PPIE: variants seen among roughly 807,000 people sequenced by gnomAD.
PPIE encodes the protein peptidylprolyl isomerase E, also known as peptidyl-prolyl cis-trans isomerase E.
PPIE carries 20 observed loss-of-function variants against 38.4 expected under a neutral mutation model. That is an observed-to-expected ratio of 0.52 (90% CI 0.37 to 0.76). The LOEUF is 0.76. PPIE is among the 30% of genes least tolerant of loss of function. The pLI, the probability that PPIE is intolerant of heterozygous loss-of-function variation, is 0.00. For synonymous variants in PPIE, 142 were observed against 135.7 expected (o/e 1.05, Z -0.32); for missense variants, 322 against 385.8 (o/e 0.83, Z 1.39).
Position 39,753,333 on chromosome 1 carries a change from C to G in PPIE, c.884C>G (p.Ala295Gly). Residue 295 changes from alanine (A) to glycine (G), a missense_variant, in exon 10 of 10, where the codon GCC becomes GGC. Physicochemically the swap from Ala to Gly is moderately conservative, Grantham distance 60. Coordinates refer to ENST00000324379, the MANE Select transcript of PPIE (RefSeq NM_006112.4). ...DGKPKQKVIIADCGEYV is the reference protein window; with the variant it reads ...DGKPKQKVIIGDCGEYV The stretch of plus-strand genomic sequence containing the variant: ...AAGCCAAAGCAGAAGGTGATCATCG[C>G]CGACTGTGGGGAGTACGTGTGAGGC... 1 of 1,614,174 alleles carries G rather than the reference C, an allele frequency of 6.2e-7. No homozygotes were observed. The highest frequency in any genetic ancestry group is 8.5e-7 in the Non-Finnish European group (1 of 1,180,002).
Position 39,753,338 on chromosome 1 carries a change from T to C in PPIE, c.889T>C (p.Cys297Arg). 1.2e-6 allele frequency: 2 copies of C among 1,614,180 alleles called. No homozygotes were observed. The highest frequency in any genetic ancestry group is 1.3e-5 in the African/African-American group (1 of 75,056). ...KPKQKVIIADCGEYV is the reference protein window; with the variant it reads ...KPKQKVIIADRGEYV ...AAAGCAGAAGGTGATCATCGCCGAC[T>C]GTGGGGAGTACGTGTGAGGCGGCAC... The change falls in exon 10 of 10, where the codon TGT becomes CGT. Residue 297 changes from cysteine (C) to arginine (R), a missense_variant. Transcript: ENST00000324379.
At chr1:39,763,160 C>G in intron 9 of PPIE, 1 of 1,614,042 alleles carries the variant, frequency 6.2e-7, no homozygotes, top group Non-Finnish European at 8.5e-7. Context: ...CACTCCCCCT[C>G]ACAGTAATAG....
In PPIE at chr1:39,739,156, G is replaced by C. The variant is rs145139813; in HGVS notation, c.31+225G>C. On this transcript the variant is annotated intron_variant, in intron 1 of 9. Coordinates refer to ENST00000324379, the MANE Select transcript of PPIE (RefSeq NM_006112.4). ...CTTCTTAGCAGTACGCACTTCTCCA[G>C]CTTCTTTGCTTTGCTTCCCGATTCG... 1.2e-3 allele frequency: 490 copies of C among 424,640 alleles called. 1 individual carries two copies. Among genetic ancestry groups the C allele is most frequent in the African/African-American group, 9.0e-3 (441 of 49,068 alleles). 26.3% of individuals were successfully genotyped at this position (424,640 alleles called of 1,614,324 possible).
intron 7 of PPIE, chr1:39,746,103 C>T (rs1647197038): frequency 6.6e-6 from 1 of 152,182 alleles, no homozygotes. Flanking sequence ...TTTCTACTTC[C>T]TGTTTTCCAT....
At chr1:39,744,687 C>G (rs1647149880) in intron 6 of PPIE, among the ~76,000 whole-genome samples, 1 of 152,224 alleles carries the variant, frequency 6.6e-6, no homozygotes, top group South Asian at 2.1e-4. Flanking sequence ...CTAATCCTGT[C>G]TTCCTGTGTT....
intron 5 of PPIE, 119 bp from the exon 6 acceptor site, chr1:39,743,705 A>G: frequency 1.3e-6 from 1 of 742,666 alleles, no homozygotes; most frequent in Admixed American, 2.6e-5. Flanking sequence ...GGGAGTTCTC[A>G]GTGGGGAATT....
rs1468984320 is a variant in PPIE at position 39,749,103 on chromosome 1, G to A, written c.694+15G>A. On this transcript the variant is annotated intron_variant, in intron 8 of 9. Transcript: ENST00000324379. The stretch of plus-strand genomic sequence containing the variant: ...TACGGGACCAGGTAGGAGCCAGTTG[G>A]CATGTGGTGACGAGGGAGGCTGGGC... The A allele has an allele frequency of 1.3e-6, 2 of 1,571,762 alleles. No homozygotes were observed. The highest frequency in any genetic ancestry group is 1.7e-6 in the Non-Finnish European group (2 of 1,160,946).
Position 39,741,470 on chromosome 1 carries a change from G to A in PPIE, c.174+61G>A, listed in dbSNP as rs1647056169. 4 of 1,571,736 alleles carry A rather than the reference G, an allele frequency of 2.5e-6. No homozygotes were observed. In the Admixed American group the frequency reaches 6.7e-5, roughly 26 times the overall value. On this transcript the variant is annotated intron_variant, in intron 3 of 9. Transcript: ENST00000324379. ...TTGTGATGTTGTTACTGATTACAAA[G>A]GAAGCTTTTCACCATTTGGTTAGGT...
Position 39,756,372 on chromosome 1 carries a change from C to G in PPIE, c.*3017C>G. The G allele has an allele frequency of 1.0e-6, 1 of 985,420 alleles. No individual in the cohort carries two copies. Among genetic ancestry groups the G allele is most frequent in the Non-Finnish European group, 1.2e-6 (1 of 829,926 alleles). The allele number at this position is 985,420 out of a possible 1,614,324, so 61.0% of individuals were successfully genotyped here. On this transcript the variant is annotated 3_prime_UTR_variant, in exon 10 of 10. Transcript: ENST00000324379. ...TTGCTGATTCATTTCCCCCCTAACT[C>G]ATTCAGAGTTGAGCCCCATCTGAGT...
intron 1 of PPIE, chr1:39,739,327 C>G (rs1004811947): frequency 3.6e-5 from 7 of 193,144 alleles, no homozygotes; most frequent in African/African-American, 1.4e-4. Context: ...ATTATTCTGA[C>G]TTCCTAGCCC....
At position 39,741,882 on chromosome 1, in the gene PPIE, C is replaced by T. The variant is rs766146457; in HGVS notation, c.175-13C>T. 11 of 1,614,114 alleles carry T rather than the reference C, an allele frequency of 6.8e-6. No homozygotes were observed. In the African/African-American group the frequency reaches 1.5e-4, roughly 22 times the overall value. ...TGCAAGCCTAAACTTGTACCTTTGT[C>T]TTTCCTTGGCAGGATGCTGCAGCAG... On this transcript the variant is annotated splice_polypyrimidine_tract_variant and intron_variant, in intron 3 of 9. Transcript: ENST00000324379.
At chr1:39,763,902 T>C (rs1438854828) in exon 10 of PPIE, 14 of 1,270,006 alleles carry the variant, frequency 1.1e-5, no homozygotes, top group African/African-American at 1.6e-5. Flanking sequence ...AATAAATGAA[T>C]GACAGGAAAC....
At chr1:39,743,787 A>C in intron 5 of PPIE, 37 bp from the exon 6 acceptor site, 2 of 1,557,276 alleles carry the variant, frequency 1.3e-6, no homozygotes, top group South Asian at 1.1e-5. Context: ...TCAAGCTGAC[A>C]GCTTGAATGA....
chr1:39,749,062 A>G lies in PPIE; in HGVS notation c.668A>G (p.Asn223Ser). 6.2e-7 allele frequency: 1 copy of G among 1,608,456 alleles called. No homozygotes were observed. Among genetic ancestry groups the G allele is most frequent in the South Asian group, 1.1e-5 (1 of 90,044 alleles). Residue 223 changes from asparagine (N) to serine (S), a missense_variant, in exon 8 of 10, where the codon AAC becomes AGC. Asn to Ser is a conservative substitution (Grantham distance 46). Transcript: ENST00000324379. ...SIYGKKFDDE[N>S]FILKHTGPGL... ...TATGGGAAGAAGTTCGATGATGAAA[A>G]CTTTATCCTCAAGCATACGGGACCA...
rs984142301 is a variant in PPIE at position 39,750,025 on chromosome 1, C to T, written c.694+937C>T. 4.6e-5 allele frequency among the ~76,000 whole-genome samples: 7 copies of T among 151,960 alleles called. No individual in the cohort carries two copies. The East Asian group carries it at 7.7e-4, about 17-fold the overall frequency. ...GCGCGTGCCTGTAATCCTAGCTGCT[C>T]GGAAGGCTGAGGCAGGAGAATCACT... On this transcript the variant is annotated intron_variant, in intron 8 of 9. Transcript: ENST00000324379.
rs1260148513 is a variant in PPIE, at chr1:39,755,204, G to A, written c.*1849G>A. 1.0e-6 allele frequency: 1 copy of A among 985,366 alleles called. No homozygotes were observed. The highest frequency in any genetic ancestry group is 1.7e-5 in the African/African-American group (1 of 57,242). 61.0% of individuals were successfully genotyped at this position (985,366 alleles called of 1,614,324 possible). On this transcript the variant is annotated 3_prime_UTR_variant, in exon 10 of 10. Transcript: ENST00000324379. Reference sequence around the variant, plus strand: ...GTCCTGTAGCTGTTGGACACCTCCTGTGGGTTGGGTCACTCAGACCATTCA... The same window carrying A: ...GTCCTGTAGCTGTTGGACACCTCCTATGGGTTGGGTCACTCAGACCATTCA...
intron 9 of PPIE, chr1:39,763,250 A>G (rs779434018): frequency 1.3e-6 from 2 of 1,538,980 alleles, no homozygotes; most frequent in African/African-American, 2.7e-5. Context: ...CCCCTCCCTG[A>G]GCCTCAGGGC....
intron 8 of PPIE, among the ~76,000 whole-genome samples, chr1:39,750,048 A>G (rs1647552968): frequency 6.6e-6 from 1 of 151,854 alleles, no homozygotes; most frequent in African/African-American, 2.4e-5. Context: ...CAGGAGAATC[A>G]CTTGAACCTG....
intron 9 of PPIE, chr1:39,763,156 C>T: frequency 1.2e-6 from 2 of 1,614,046 alleles, no homozygotes; most frequent in Non-Finnish European, 1.7e-6. Flanking sequence ...GGAGCACTCC[C>T]CCTCACAGTA....
Sources: allele counts gnomAD v4.1 joint callset (sites outside exome capture counted in the v4.1 genomes callset), GRCh38; gene constraint gnomAD v4.1.1; transcripts MANE v1.5; gene names NCBI Gene and HGNC (gene_info 2026-07-23, HGNC 2026-07-21).